Variants in CLEC2A observed in about 807,000 individuals in gnomAD.
CLEC2A encodes the protein keratinocyte-associated C-type lectin.
CLEC2A carries 19 observed loss-of-function variants against 18.6 expected under a neutral mutation model. The ratio of observed to expected loss-of-function variants is 1.02; its 90% confidence interval spans 0.71 to 1.50. The LOEUF is 1.50. Among genes scored for constraint, CLEC2A ranks in the 40% most tolerant of loss-of-function variants. The pLI is 0.00. For missense variants in CLEC2A, 190 were observed against 207.9 expected, an observed-to-expected ratio of 0.91 and a Z score of 0.53; for synonymous variants, 74 against 64.0, an observed-to-expected ratio of 1.16 and a Z score of -0.75.
intron 3 of CLEC2A, among the ~76,000 whole-genome samples, chr12:9,918,413 G>T (rs773925538): frequency 7.2e-5 from 11 of 152,156 alleles, no homozygotes; most frequent in Non-Finnish European, 1.3e-4. Context: ...GGTCGTAGGT[G>T]TGTGTCCTTA....
At chr12:9,893,373 A>C in the CLEC2A span, 1 of 894,154 alleles carries the variant, frequency 1.1e-6, no homozygotes, top group Non-Finnish European at 1.7e-6. Context: ...ACACTATAGA[A>C]GGCATCAAAA....
chr12:9,898,033 T>C (rs1042128423), downstream of CLEC2A, among the ~76,000 whole-genome samples: 2 of 152,246 alleles, frequency 1.3e-5, no homozygotes, highest in South Asian at 2.1e-4. Context: ...AGTACTAAAA[T>C]GCTGTAAGCA....
At chr12:9,917,690 TC>T (rs1279406279) in intron 3 of CLEC2A, among the ~76,000 whole-genome samples, 1 of 152,192 alleles carries the variant, frequency 6.6e-6, no homozygotes, top group East Asian at 1.9e-4. Flanking sequence ...CACACTGCTT[TC>T]CACAATGGTG....
At chr12:9,898,318 G>A (rs1217475658), downstream of CLEC2A, among the ~76,000 whole-genome samples, 1 of 152,176 alleles carries the variant, frequency 6.6e-6, no homozygotes, top group African/African-American at 2.4e-5. Context: ...TCGGGAAACT[G>A]ACCCTCAAGT....
intron 4 of CLEC2A, among the ~76,000 whole-genome samples, chr12:9,899,667 T>C (rs1363896088): frequency 6.6e-6 from 1 of 152,186 alleles, no homozygotes; most frequent in Admixed American, 6.5e-5. Context: ...CAGGGGAGGC[T>C]AGAGAATAGG....
At chr12:9,878,897 A>T in the CLEC2A span, among the ~76,000 whole-genome samples, 1 of 151,954 alleles carries the variant, frequency 6.6e-6, no homozygotes, top group Non-Finnish European at 1.5e-5. Context: ...TTTTAGGAGG[A>T]TGGGGGGATG....
downstream of CLEC2A, among the ~76,000 whole-genome samples, chr12:9,909,326 TG>T (rs1276805642): frequency 6.6e-6 from 1 of 152,192 alleles, no homozygotes; most frequent in East Asian, 1.9e-4. Context: ...CCAGGGATCT[TG>T]GGCACGGAAT....
At chr12:9,881,690 G>A in the CLEC2A span, 256 of 1,484,910 alleles carry the variant, frequency 1.7e-4, no homozygotes, top group South Asian at 2.3e-4. Context: ...CCCCATCACC[G>A]CATTTAAAAT....
intron 4 of CLEC2A, chr12:9,899,058 T>G (rs967762836): frequency 1.5e-6 from 1 of 661,496 alleles, no homozygotes; most frequent in African/African-American, 1.8e-5. Context: ...TAAGAATGGC[T>G]CGAAAATTCC....
At chr12:9,904,560 T>G (rs989227025) in intron 4 of CLEC2A, among the ~76,000 whole-genome samples, 1 of 152,142 alleles carries the variant, frequency 6.6e-6, no homozygotes, top group African/African-American at 2.4e-5. Context: ...GAGCCTGATA[T>G]GTTTGGGCAC....
intron 4 of CLEC2A, among the ~76,000 whole-genome samples, chr12:9,904,073 T>G (rs1382113136): frequency 1.3e-5 from 2 of 152,242 alleles, no homozygotes; most frequent in Non-Finnish European, 2.9e-5. Context: ...CAGGGCAGAC[T>G]GATTGGTTAG....
chr12:9,924,852 C>T (rs56209109), intron 2 of CLEC2A, among the ~76,000 whole-genome samples: 1 of 152,254 alleles, frequency 6.6e-6, no homozygotes, highest in Non-Finnish European at 1.5e-5. Context: ...AGAAAACACT[C>T]TGAGCTTCCT....
the CLEC2A span, among the ~76,000 whole-genome samples, chr12:9,891,608 T>C: frequency 6.6e-6 from 1 of 152,208 alleles, no homozygotes; most frequent in Admixed American, 6.5e-5. Context: ...TTTTATACCT[T>C]TTAGCAAACA....
chr12:9,894,202 A>G (rs1449859212), downstream of CLEC2A, among the ~76,000 whole-genome samples: 1 of 113,526 alleles, frequency 8.8e-6, no homozygotes, highest in Non-Finnish European at 1.7e-5. Context: ...TTTTTTTTTC[A>G]GCAGAGCCTT....
the CLEC2A span, among the ~76,000 whole-genome samples, chr12:9,891,475 T>C: frequency 1.1e-4 from 16 of 152,308 alleles, no homozygotes; most frequent in African/African-American, 3.1e-4. Context: ...CAGTGGTACT[T>C]CATTGACCAG....
Position 9,915,877 on chromosome 12 carries a change from AT to A in CLEC2A, c.410+822del, listed in dbSNP as rs1021758269. Among the ~76,000 whole-genome samples, 8 of 152,256 alleles carry A rather than the reference AT, an allele frequency of 5.3e-5. No homozygotes were observed. The South Asian group carries it at 6.2e-4, about 12-fold the overall frequency. On this transcript the variant is annotated intron_variant, in intron 4 of 4. Coordinates refer to ENST00000455827, the MANE Select transcript of CLEC2A (RefSeq NM_001130711.2). ...AGAACTTACAGTAAAATAAAAATAT[AT>A]TTTTTAATTAATTTTCTTTGTTGAT... is the stretch of plus-strand genomic sequence containing the variant.
intron 4 of CLEC2A, among the ~76,000 whole-genome samples, chr12:9,904,338 C>G (rs115145522): frequency 3.7e-4 from 57 of 152,234 alleles, no homozygotes; most frequent in African/African-American, 1.3e-3. Context: ...GAGGACCATA[C>G]GAGTGGAAAC....
chr12:9,906,025 G>T (rs60207543), intron 4 of CLEC2A, among the ~76,000 whole-genome samples: 79,519 of 146,416 alleles, frequency 0.54, 22,232 homozygotes, highest in Non-Finnish European at 0.62. Flanking sequence ...TATTAGTTTT[G>T]TTTTTTTTTT....
chr12:9,929,115 T>C (rs1313104719), intron 1 of CLEC2A, among the ~76,000 whole-genome samples: 1 of 152,200 alleles, frequency 6.6e-6, no homozygotes, highest in African/African-American at 2.4e-5. Context: ...TGTGCTCTTT[T>C]AAGTAACCCT....
Sources: gnomAD v4.1 joint callset for allele counts (sites outside exome capture counted in the v4.1 genomes callset) on GRCh38, gnomAD v4.1.1 for gene constraint, MANE v1.5 for transcripts, NCBI Gene and HGNC (gene_info 2026-07-23, HGNC 2026-07-21) for gene names.